Variants in KATNBL1 observed in about 807,000 individuals in gnomAD.
The protein encoded by KATNBL1 is katanin regulatory subunit B1 like 1, also known as KATNB1-like protein 1.
Under a neutral mutation model 44.7 loss-of-function variants are expected in KATNBL1, and 28 were observed. The ratio of observed to expected loss-of-function variants is 0.63; its 90% CI spans 0.46 to 0.86. KATNBL1 has a LOEUF of 0.86. Among genes scored for constraint, KATNBL1 ranks in the 40% least tolerant of loss-of-function variants. The pLI, the probability that KATNBL1 is intolerant of heterozygous loss-of-function variation, is 0.00. For synonymous variants in KATNBL1, 78 were observed against 114.9 expected (o/e 0.68, Z 2.06); for missense variants, 272 against 350.7 (o/e 0.78, Z 1.79).
intron 1 of KATNBL1, among the ~76,000 whole-genome samples, chr15:34,202,016 C>T (rs1169450707): frequency 1.3e-5 from 2 of 152,162 alleles, no homozygotes; most frequent in Non-Finnish European, 2.9e-5. Context: ...AAATACTACA[C>T]CACTTTATAT....
chr15:34,185,150 T>C (rs1269430730), intron 1 of KATNBL1, among the ~76,000 whole-genome samples: 1 of 152,016 alleles, frequency 6.6e-6, no homozygotes, highest in African/African-American at 2.4e-5. Flanking sequence ...TTGTATTTTT[T>C]GTAGAGACGG....
intron 1 of KATNBL1, among the ~76,000 whole-genome samples, chr15:34,192,683 C>T (rs921189973): frequency 2.0e-5 from 3 of 152,118 alleles, no homozygotes; most frequent in African/African-American, 4.8e-5. Flanking sequence ...AGACTACGTG[C>T]TGTCCCTCCT....
intron 1 of KATNBL1, among the ~76,000 whole-genome samples, chr15:34,204,475 C>G (rs1319160689): frequency 6.6e-6 from 1 of 152,174 alleles, no homozygotes; most frequent in African/African-American, 2.4e-5. Flanking sequence ...CCCTAGTCAG[C>G]CTTCCGTATT....
chr15:34,189,494 G>C (rs577046415), intron 1 of KATNBL1, among the ~76,000 whole-genome samples: 207 of 152,284 alleles, frequency 1.4e-3, no homozygotes, highest in Non-Finnish European at 1.1e-3. Flanking sequence ...CAAAAAGACT[G>C]AACTTAGAAC....
At chr15:34,195,742 T>C (rs919280884) in intron 1 of KATNBL1, among the ~76,000 whole-genome samples, 2 of 151,338 alleles carry the variant, frequency 1.3e-5, no homozygotes, top group South Asian at 2.1e-4. Flanking sequence ...ACAAATAATT[T>C]TTTTAATTGT....
chr15:34,189,099 C>A (rs1399374407), intron 1 of KATNBL1, among the ~76,000 whole-genome samples: 1 of 151,392 alleles, frequency 6.6e-6, no homozygotes, highest in Non-Finnish European at 1.5e-5. Context: ...GGTGTGATCT[C>A]GGCTCACCAC....
chr15:34,176,733 A>G (rs944341231), intron 1 of KATNBL1, among the ~76,000 whole-genome samples: 4 of 152,252 alleles, frequency 2.6e-5, no homozygotes, highest in Non-Finnish European at 4.4e-5. Flanking sequence ...TATATAAATT[A>G]TACTTCAATA....
At chr15:34,207,874 A>C (rs973127560) in intron 1 of KATNBL1, among the ~76,000 whole-genome samples, 4 of 152,132 alleles carry the variant, frequency 2.6e-5, no homozygotes, top group African/African-American at 9.7e-5. Context: ...AAGTGTTGGG[A>C]TTACCAACCC....
At chr15:34,142,665 A>G (rs1217191649) in intron 9 of KATNBL1, 7 of 323,764 alleles carry the variant, frequency 2.2e-5, no homozygotes, top group Non-Finnish European at 1.1e-5. Context: ...GCTGTTTACT[A>G]TCAGTGCTAT....
At chr15:34,201,941 C>T (rs974573458) in intron 1 of KATNBL1, among the ~76,000 whole-genome samples, 1 of 152,032 alleles carries the variant, frequency 6.6e-6, no homozygotes, top group Non-Finnish European at 1.5e-5. Context: ...TTACATTGTA[C>T]TAGATATTAC....
At chr15:34,144,331 AT>A (rs1363616270) in intron 9 of KATNBL1, among the ~76,000 whole-genome samples, 1 of 151,628 alleles carries the variant, frequency 6.6e-6, no homozygotes, top group African/African-American at 2.4e-5. Context: ...TTAGCATTGT[AT>A]TTTTTTCCCC....
rs535211909 is a variant in KATNBL1, at chr15:34,178,620, G to A, written c.-14-14930C>T. On this transcript the variant is annotated intron_variant, in intron 1 of 9. Coordinates refer to ENST00000256544, the MANE Select transcript of KATNBL1 (RefSeq NM_024713.3). Reference sequence around the variant, plus strand: ...AAAATACAAAAATTAGCCAGGTGTGGTGGTGGGCACTTGTAGTCCCAGCTA... The same window carrying A: ...AAAATACAAAAATTAGCCAGGTGTGATGGTGGGCACTTGTAGTCCCAGCTA... Among the ~76,000 whole-genome samples, 473 of 152,180 alleles carry A rather than the reference G, an allele frequency of 3.1e-3. 5 individuals are homozygous for A. The highest frequency in any genetic ancestry group is 0.011 in the African/African-American group (462 of 41,500).
At chr15:34,204,893 C>G (rs1353917605) in intron 1 of KATNBL1, among the ~76,000 whole-genome samples, 1 of 151,876 alleles carries the variant, frequency 6.6e-6, no homozygotes, top group Non-Finnish European at 1.5e-5. Context: ...ACAAAATAGA[C>G]TTACTGAGAA....
intron 1 of KATNBL1, among the ~76,000 whole-genome samples, chr15:34,190,007 C>T (rs1327192155): frequency 6.6e-6 from 1 of 151,354 alleles, no homozygotes; most frequent in Non-Finnish European, 1.5e-5. Flanking sequence ...TGCAGTGGCA[C>T]GATCTCGGCT....
At chr15:34,194,015 C>T (rs1889965031) in intron 1 of KATNBL1, among the ~76,000 whole-genome samples, 1 of 152,114 alleles carries the variant, frequency 6.6e-6, no homozygotes, top group Non-Finnish European at 1.5e-5. Flanking sequence ...GATCTCGGCT[C>T]ACCACAACGT....
chr15:34,185,943 C>T (rs756126554), intron 1 of KATNBL1, among the ~76,000 whole-genome samples: 1 of 152,046 alleles, frequency 6.6e-6, no homozygotes, highest in African/African-American at 2.4e-5. Context: ...GTCTGAGAGT[C>T]CTGCTGGTTG....
chr15:34,175,594 T>C (rs1889305941), intron 1 of KATNBL1, among the ~76,000 whole-genome samples: 1 of 152,162 alleles, frequency 6.6e-6, no homozygotes, highest in Non-Finnish European at 1.5e-5. Flanking sequence ...AAAATGCAAG[T>C]CGAAACTACT....
At chr15:34,158,621 AT>A (rs907755325) in intron 2 of KATNBL1, among the ~76,000 whole-genome samples, 58 of 146,326 alleles carry the variant, frequency 4.0e-4, no homozygotes, top group East Asian at 2.0e-3. Context: ...GTTTGCTCCA[AT>A]TTTTTTTTTT....
chr15:34,175,860 C>T (rs1751554452), intron 1 of KATNBL1, among the ~76,000 whole-genome samples: 1 of 151,640 alleles, frequency 6.6e-6, no homozygotes, highest in South Asian at 2.1e-4. Context: ...ATGGCAGTTT[C>T]TTAAAATACT....
Sources: gnomAD v4.1 joint callset for allele counts (sites outside exome capture counted in the v4.1 genomes callset) on GRCh38, gnomAD v4.1.1 for gene constraint, MANE v1.5 for transcripts, NCBI Gene and HGNC (gene_info 2026-07-23, HGNC 2026-07-21) for gene names.